Variants in RSPH14 observed in about 807,000 individuals in gnomAD.
RSPH14 encodes the protein radial spoke head 14 homolog, also known as rhabdoid tumor deletion region gene 1.
RSPH14 carries 20 observed loss-of-function variants against 26.7 expected under a neutral mutation model. The observed-to-expected ratio is 0.75, with a 90% CI of 0.53 to 1.09. The LOEUF (loss-of-function observed/expected upper bound fraction) is 1.09. Among genes scored for constraint, RSPH14 ranks in the 50% least tolerant of loss-of-function variants. The probability of loss-of-function intolerance (pLI) is 0.00; values close to 1 mark genes in which losing one functional copy is unlikely to be tolerated. For missense variants in RSPH14, 449 were observed against 457.2 expected, an observed-to-expected ratio of 0.98 and a Z score of 0.16; for synonymous variants, 177 against 189.3, an observed-to-expected ratio of 0.93 and a Z score of 0.53.
chr22:23,170,260 G>A, the RSPH14 span, among the ~76,000 whole-genome samples: 1 of 152,182 alleles, frequency 6.6e-6, no homozygotes, highest in Admixed American at 6.5e-5. Context: ...GTGGGAGCCT[G>A]CCATAGTCTA....
chr22:23,125,851 C>G (rs1304570642), intron 4 of RSPH14, among the ~76,000 whole-genome samples: 3 of 152,192 alleles, frequency 2.0e-5, no homozygotes. Flanking sequence ...CAGCACAGAA[C>G]CACCCTGCAG....
chr22:23,061,798 C>G lies in RSPH14; in HGVS notation c.790+11G>C, dbSNP rs186403758. On this transcript the variant is annotated intron_variant, in intron 6 of 6. Transcript: ENST00000216036. The stretch of plus-strand genomic sequence containing the variant: ...GGGTCTCCCTCCCTGCGGCACCCCC[C>G]ACCGCCTCACCTTCAGTGATCACTG... 5 of 1,613,766 alleles carry G rather than the reference C, an allele frequency of 3.1e-6. No homozygotes were observed. Among genetic ancestry groups the G allele is most frequent in the South Asian group, 2.2e-5 (2 of 91,086 alleles).
At chr22:23,151,046 C>G in the RSPH14 span, among the ~76,000 whole-genome samples, 1 of 152,236 alleles carries the variant, frequency 6.6e-6, no homozygotes, top group Non-Finnish European at 1.5e-5. Context: ...GCTTTTGCCC[C>G]TCTTCCTAAG....
chr22:23,062,892 G>C (rs1336972080), intron 5 of RSPH14, among the ~76,000 whole-genome samples: 1 of 152,248 alleles, frequency 6.6e-6, no homozygotes, highest in Non-Finnish European at 1.5e-5. Flanking sequence ...GTGTTCTTTA[G>C]GGCCAGATAA....
chr22:23,134,232 G>T, intron 3 of RSPH14, 88 bp from the exon 4 acceptor site: 2 of 963,864 alleles, frequency 2.1e-6, no homozygotes, highest in Non-Finnish European at 3.2e-6. Flanking sequence ...GCTGGAGTCT[G>T]ATCCATGCTA....
Position 23,061,914 on chromosome 22 carries a change from G to C in RSPH14, c.685C>G (p.His229Asp). The C allele has an allele frequency of 6.2e-7, 1 of 1,614,150 alleles. No individual in the cohort carries two copies. The highest frequency in any genetic ancestry group is 8.5e-7 in the Non-Finnish European group (1 of 1,180,026). The change falls in exon 6 of 7, where the codon CAT (histidine) becomes GAT (aspartate). Residue 229 changes from histidine to aspartate, a missense_variant. Transcript: ENST00000216036. ...ISREGKKQVC[H>D]FDVIPILVHL... ...ACCAGGATGGGGATGACGTCAAAAT[G>C]ACACACCTGTTTCTTGCCCTCTCGA...
the RSPH14 span, chr22:23,153,471 C>T: frequency 1.5e-6 from 1 of 689,064 alleles, no homozygotes; most frequent in Non-Finnish European, 1.8e-6. Flanking sequence ...ACTCACCAGG[C>T]CAGCAGGGTG....
chr22:23,081,821 C>CAAAA (rs55713577), intron 4 of RSPH14, among the ~76,000 whole-genome samples: 2 of 46,746 alleles, frequency 4.3e-5, no homozygotes, highest in Non-Finnish European at 7.7e-5. Context: ...GATTCCATCT[C>CAAAA]AAAAAAAAAA....
intron 4 of RSPH14, among the ~76,000 whole-genome samples, chr22:23,117,248 G>GA (rs397689966): frequency 2.7e-5 from 4 of 150,508 alleles, no homozygotes; most frequent in African/African-American, 9.8e-5. Context: ...GGGAATGAGA[G>GA]GGGCTGAGCC....
At chr22:23,176,444 G>C in the RSPH14 span, among the ~76,000 whole-genome samples, 1 of 152,274 alleles carries the variant, frequency 6.6e-6, no homozygotes, top group South Asian at 2.1e-4. Context: ...CTGTTTCTTT[G>C]TTTGATCACC....
At chr22:23,126,411 C>G (rs1375517376) in intron 4 of RSPH14, among the ~76,000 whole-genome samples, 6 of 152,226 alleles carry the variant, frequency 3.9e-5, no homozygotes, top group African/African-American at 7.2e-5. Context: ...GCTCTTGCCC[C>G]CAATGATCCC....
chr22:23,114,768 A>G (rs1569183767), intron 4 of RSPH14, among the ~76,000 whole-genome samples: 1 of 152,160 alleles, frequency 6.6e-6, no homozygotes, highest in Non-Finnish European at 1.5e-5. Context: ...TTGGGCCTGC[A>G]TTGGCCACTC....
At chr22:23,109,007 G>A (rs1486008268) in intron 4 of RSPH14, among the ~76,000 whole-genome samples, 2 of 152,236 alleles carry the variant, frequency 1.3e-5, no homozygotes, top group African/African-American at 4.8e-5. Context: ...GCTTCCAGGG[G>A]AGGCTGGGCC....
chr22:23,103,197 T>C (rs2069353887), intron 4 of RSPH14, among the ~76,000 whole-genome samples: 1 of 152,174 alleles, frequency 6.6e-6, no homozygotes, highest in African/African-American at 2.4e-5. Flanking sequence ...TGTGAGCTGT[T>C]TGACATTATA....
intron 4 of RSPH14, among the ~76,000 whole-genome samples, chr22:23,133,389 A>G (rs2070399492): frequency 6.6e-6 from 1 of 152,196 alleles, no homozygotes. Flanking sequence ...AAAGTTTTAA[A>G]AGGGGCATCA....
intron 4 of RSPH14, among the ~76,000 whole-genome samples, chr22:23,066,751 T>C (rs1349444037): frequency 6.6e-6 from 1 of 151,830 alleles, no homozygotes; most frequent in Non-Finnish European, 1.5e-5. Flanking sequence ...GAGCGTCCGC[T>C]GGGGGTGGGG....
intron 4 of RSPH14, among the ~76,000 whole-genome samples, chr22:23,128,016 C>T (rs1369236437): frequency 1.3e-5 from 2 of 152,130 alleles, no homozygotes; most frequent in Non-Finnish European, 2.9e-5. Flanking sequence ...AGAACAGGCC[C>T]CATCATGCTG....
upstream of RSPH14, among the ~76,000 whole-genome samples, chr22:23,148,018 T>C (rs1237346860): frequency 6.6e-6 from 1 of 152,166 alleles, no homozygotes; most frequent in Non-Finnish European, 1.5e-5. Flanking sequence ...GTTGCCTCTG[T>C]GGCTTCGGAC....
the RSPH14 span, among the ~76,000 whole-genome samples, chr22:23,153,335 C>T: frequency 1.3e-5 from 2 of 152,158 alleles, no homozygotes; most frequent in African/African-American, 2.4e-5. Flanking sequence ...TCATTTTGGT[C>T]ATTGGCTCTG....
Sources: gnomAD v4.1 joint callset for allele counts (sites outside exome capture counted in the v4.1 genomes callset) on GRCh38, gnomAD v4.1.1 for gene constraint, MANE v1.5 for transcripts, NCBI Gene and HGNC (gene_info 2026-07-23, HGNC 2026-07-21) for gene names.